Variants in COPA observed in about 807,000 individuals in gnomAD.
The protein encoded by COPA is coat protein complex I subunit alpha.
Under a neutral mutation model 158.7 loss-of-function variants are expected in COPA, and 10 were observed. The ratio of observed to expected loss-of-function variants is 0.06; its 90% confidence interval spans 0.04 to 0.11. COPA has a LOEUF of 0.11. Among genes scored for constraint, COPA ranks in the 10% least tolerant of loss-of-function variants. The pLI, the probability that COPA is intolerant of heterozygous loss-of-function variation, is 1.00. For synonymous variants in COPA, 462 were observed against 542.8 expected (o/e 0.85, Z 2.07); for missense variants, 1,065 against 1,536.7 (o/e 0.69, Z 5.13).
chr1:160,307,119 C>G (rs1178333945), intron 14 of COPA, 44 bp downstream of exon 14: 15 of 1,586,840 alleles, frequency 9.5e-6, no homozygotes, highest in Non-Finnish European at 1.3e-5. Context: ...AGGCCACTGC[C>G]ACCACACTCC....
chr1:160,336,713 T>A (rs945109126), intron 3 of COPA, among the ~76,000 whole-genome samples: 4 of 152,180 alleles, frequency 2.6e-5, no homozygotes, highest in Admixed American at 1.3e-4. Flanking sequence ...TCTTATTTAA[T>A]TTTTTTAAAT....
chr1:160,306,967 T>C (rs1658807445), intron 14 of COPA, among the ~76,000 whole-genome samples, 196 bp downstream of exon 14: 1 of 152,176 alleles, frequency 6.6e-6, no homozygotes, highest in African/African-American at 2.4e-5. Context: ...ACGGCGATCA[T>C]CAACCCAATC....
chr1:160,312,014 A>G lies in COPA; in HGVS notation c.930T>C (p.His310=), dbSNP rs1358262517. ...GCTTAAACACAATCATACCACCATC[A>G]TGGCCTGGGGGACAGGGAGAGGAGG... is the stretch of plus-strand genomic sequence containing the variant. ...HPNLNLFAAG[H]DGGMIVFKLE... is the part of the protein sequence containing the mutation. The change falls in exon 11 of 33, where the codon CAT becomes CAC. Residue 310 remains histidine (H), a synonymous_variant. Coordinates refer to ENST00000241704, the MANE Select transcript of COPA (RefSeq NM_004371.4). 2 of 1,613,382 alleles carry G rather than the reference A, an allele frequency of 1.2e-6. No individual in the cohort carries two copies. Among genetic ancestry groups the G allele is most frequent in the African/African-American group, 1.3e-5 (1 of 74,908 alleles).
intron 4 of COPA, among the ~76,000 whole-genome samples, chr1:160,334,000 T>C (rs948519217): frequency 2.0e-5 from 3 of 152,172 alleles, no homozygotes; most frequent in African/African-American, 7.2e-5. Flanking sequence ...TATATACAGT[T>C]AATCATGTAA....
intron 3 of COPA, among the ~76,000 whole-genome samples, chr1:160,337,587 C>G (rs796455091): frequency 6.6e-6 from 1 of 152,060 alleles, no homozygotes; most frequent in South Asian, 2.1e-4. Context: ...GGCTTGGTGG[C>G]GCATGCCTGT....
intron 17 of COPA, among the ~76,000 whole-genome samples, chr1:160,305,040 C>A (rs1163749094): frequency 6.6e-6 from 1 of 152,036 alleles, no homozygotes; most frequent in Non-Finnish European, 1.5e-5. Context: ...AAACACAGGG[C>A]AGTAAAATTA....
At position 160,307,201 on chromosome 1, in the gene COPA, C is replaced by A. The variant is rs760363546; in HGVS notation, c.1264G>T (p.Ala422Ser). Reference protein sequence around the residue: ...RSSGLTAVWVARNRFAVLDRM... With the variant: ...RSSGLTAVWVSRNRFAVLDRM... ...TCTAGGACAGCAAACCGATTTCGAG[C>A]GACCCAAACGGCTGTCAGGCCTGAG... Residue 422 changes from alanine (A) to serine (S), a missense_variant, in exon 14 of 33, where the codon GCT becomes TCT. This residue lies in a region of COPA where 980 missense variants were observed against 1,357.8 expected (regional missense o/e 0.72). Coordinates refer to ENST00000241704, the MANE Select transcript of COPA (RefSeq NM_004371.4). 1 of 1,614,052 alleles carries A rather than the reference C, an allele frequency of 6.2e-7. No homozygotes were observed. The highest frequency in any genetic ancestry group is 1.3e-5 in the African/African-American group (1 of 74,938).
At chr1:160,334,484 T>C (rs1025086739) in intron 4 of COPA, among the ~76,000 whole-genome samples, 5 of 152,210 alleles carry the variant, frequency 3.3e-5, no homozygotes, top group African/African-American at 1.2e-4. Context: ...TGAGTGGTTA[T>C]CATTCTCAAA....
rs771625634 is a variant in COPA, at chr1:160,340,161, TC to T, written c.154+19del. ...TATAAATACTTATACTCCTTTAACTTCCTCCTAGAAATATCTCACCATCATG... is the reference window on the plus strand; with the variant it reads ...TATAAATACTTATACTCCTTTAACTTCTCCTAGAAATATCTCACCATCATG... On this transcript the variant is annotated intron_variant, in intron 2 of 32. Coordinates refer to ENST00000241704, the MANE Select transcript of COPA (RefSeq NM_004371.4). 5 of 1,574,124 alleles carry T rather than the reference TC, an allele frequency of 3.2e-6. No individual in the cohort carries two copies. The highest frequency in any genetic ancestry group is 4.4e-6 in the Non-Finnish European group (5 of 1,144,674).
At chr1:160,297,268 A>T in intron 21 of COPA, 75 bp downstream of exon 21, 1 of 1,281,612 alleles carries the variant, frequency 7.8e-7, no homozygotes, top group Admixed American at 1.7e-5. Context: ...TCACCACTAT[A>T]CACAGATTAA....
At chr1:160,291,575 T>C in intron 30 of COPA, 79 bp from the exon 31 acceptor site, 1 of 1,508,752 alleles carries the variant, frequency 6.6e-7, no homozygotes, top group Non-Finnish European at 9.0e-7. Flanking sequence ...TACACATGCA[T>C]AAAAAACACA....
chr1:160,302,597 C>T (rs926667513), intron 17 of COPA, among the ~76,000 whole-genome samples: 1 of 143,668 alleles, frequency 7.0e-6, no homozygotes, highest in Non-Finnish European at 1.5e-5. Flanking sequence ...CTCTGTCGCC[C>T]AGGTTGGAGT....
chr1:160,341,245 T>A (rs1487867178), intron 1 of COPA, among the ~76,000 whole-genome samples: 1 of 152,240 alleles, frequency 6.6e-6, no homozygotes, highest in South Asian at 2.1e-4. Flanking sequence ...CAGTTACACA[T>A]AGACATAGGC....
chr1:160,338,436 T>G (rs1183947241), intron 3 of COPA, among the ~76,000 whole-genome samples: 1 of 152,262 alleles, frequency 6.6e-6, no homozygotes, highest in African/African-American at 2.4e-5. Context: ...TTCTTGAAGT[T>G]GCTTATGAAA....
chr1:160,338,946 C>G (rs1647908126), intron 3 of COPA, among the ~76,000 whole-genome samples: 2 of 152,184 alleles, frequency 1.3e-5, no homozygotes, highest in African/African-American at 4.8e-5. Context: ...ACAGACACCT[C>G]AACTAGACTG....
Position 160,309,108 on chromosome 1 carries a change from A to T in COPA, c.1212T>A (p.Asn404Lys), listed in dbSNP as rs1658883656. ...GACAAAAAGAACACTTACCATCAGG[A>T]TTCTGGGAGTCAGCATCTTTAGGGA... ...YTIPKDADSQ[N>K]PDAPEGKRSS... Residue 404 changes from asparagine to lysine, a missense_variant, in exon 13 of 33, where the codon AAT becomes AAA. Physicochemically the swap from Asn to Lys is moderately conservative, Grantham distance 94 (BLOSUM62 0). Coordinates refer to ENST00000241704, the MANE Select transcript of COPA (RefSeq NM_004371.4). The T allele has an allele frequency of 6.2e-7, 1 of 1,613,034 alleles. No individual in the cohort carries two copies. Among genetic ancestry groups the T allele is most frequent in the South Asian group, 1.1e-5 (1 of 91,066 alleles).
intron 6 of COPA, among the ~76,000 whole-genome samples, chr1:160,330,098 G>A (rs1210578473): frequency 6.6e-6 from 1 of 152,064 alleles, no homozygotes; most frequent in Non-Finnish European, 1.5e-5. Context: ...CTGGGTAACA[G>A]TGAGACTCTG....
intron 8 of COPA, among the ~76,000 whole-genome samples, chr1:160,321,951 G>A (rs954136128): frequency 6.6e-6 from 1 of 152,116 alleles, no homozygotes; most frequent in Admixed American, 6.5e-5. Context: ...GATGAAAAAA[G>A]TTGAAGAGGA....
In COPA at chr1:160,297,751, GA is replaced by G. The variant is rs1396420187; in HGVS notation, c.1978-7del. On this transcript the variant is annotated splice_polypyrimidine_tract_variant and splice_region_variant and intron_variant, in intron 19 of 32. Coordinates refer to ENST00000241704, the MANE Select transcript of COPA (RefSeq NM_004371.4). ...TTGGCTGCTTCCAGAGCAATCTAAA[GA>G]ATCCCCAGGGTCGTGTTAACAGGTT... 4.3e-6 allele frequency: 7 copies of G among 1,612,924 alleles called. No individual in the cohort carries two copies. Among genetic ancestry groups the G allele is most frequent in the Non-Finnish European group, 5.9e-6 (7 of 1,179,640 alleles).
Sources: allele counts gnomAD v4.1 joint callset (sites outside exome capture counted in the v4.1 genomes callset), GRCh38; gene constraint gnomAD v4.1.1; regional missense constraint gnomAD v4.1.1; transcripts MANE v1.5; gene names NCBI Gene and HGNC (gene_info 2026-07-23, HGNC 2026-07-21).